Variants in C7 observed in about 807,000 individuals in gnomAD.
C7 encodes the protein complement C7, also known as complement component C7.
Under a neutral mutation model 104.8 loss-of-function variants are expected in C7, and 83 were observed. The observed-to-expected ratio is 0.79, with a 90% confidence interval of 0.66 to 0.95. The LOEUF (loss-of-function observed/expected upper bound fraction) is 0.95, where lower values mean the gene tolerates loss of function less well. Ranked by LOEUF, C7 falls within the 40% of genes least tolerant of loss-of-function variation. The probability of loss-of-function intolerance (pLI) is 0.00; values close to 1 mark genes in which losing one functional copy is unlikely to be tolerated. For missense variants in C7, 1,070 were observed against 1,011.2 expected (o/e 1.06, Z -0.79); for synonymous variants, 415 against 360.6 (o/e 1.15, Z -1.71).
chr5:40,947,000 C>T (rs181465858), intron 7 of C7, among the ~76,000 whole-genome samples: 2 of 151,848 alleles, frequency 1.3e-5, no homozygotes, highest in African/African-American at 4.8e-5. Flanking sequence ...AATCCTGAAC[C>T]CTGAATTAAT....
rs1195909095 is a variant in C7 at position 40,983,412 on chromosome 5, G to A, written c.*1839G>A. Among the ~76,000 whole-genome samples the A allele has an allele frequency of 6.6e-6, 1 of 152,168 alleles. No homozygotes were observed. The highest frequency in any genetic ancestry group is 1.5e-5 in the Non-Finnish European group (1 of 68,030). On this transcript the variant is annotated 3_prime_UTR_variant, in exon 18 of 18. Coordinates refer to ENST00000313164, the MANE Select transcript of C7 (RefSeq NM_000587.4). ...TTATCACATATCATCAGAGATTGAG[G>A]TTTGAAAGAAAGGAAATGAGTAGAT...
At chr5:40,929,838 G>C (rs1394042566) in intron 2 of C7, among the ~76,000 whole-genome samples, 2 of 151,964 alleles carry the variant, frequency 1.3e-5, no homozygotes, top group Non-Finnish European at 2.9e-5. Flanking sequence ...AAATGAACAG[G>C]GGATGCATTT....
At chr5:40,960,450 A>G (rs1277083884) in intron 12 of C7, among the ~76,000 whole-genome samples, 6 of 152,162 alleles carry the variant, frequency 3.9e-5, no homozygotes, top group African/African-American at 1.4e-4. Context: ...GGCATTAATC[A>G]GTATCTCTTG....
intron 6 of C7, among the ~76,000 whole-genome samples, chr5:40,938,569 T>C (rs1222554344): frequency 6.6e-6 from 1 of 152,204 alleles, no homozygotes; most frequent in Non-Finnish European, 1.5e-5. Context: ...AGGATATGTA[T>C]GTACTAAATT....
chr5:40,932,465 G>A (rs1739708117), intron 3 of C7, among the ~76,000 whole-genome samples: 2 of 152,000 alleles, frequency 1.3e-5, no homozygotes, highest in South Asian at 4.1e-4. Context: ...AGTCCAGTTT[G>A]GGTAAAATTA....
Position 40,910,433 on chromosome 5 carries a change from C to T in C7, c.6+817C>T, listed in dbSNP as rs1371265098. On this transcript the variant is annotated intron_variant, in intron 1 of 17. Coordinates refer to ENST00000313164, the MANE Select transcript of C7 (RefSeq NM_000587.4). ...TTGCTTCCATAGTCACTGTATTGTC[C>T]ATTGGGGCACCGAATCCAAGCTCGC... Among the ~76,000 whole-genome samples the T allele has an allele frequency of 2.6e-5, 4 of 152,060 alleles. 1 individual carries two copies. Among genetic ancestry groups the T allele is most frequent in the Admixed American group, 1.3e-4 (2 of 15,264 alleles).
intron 14 of C7, among the ~76,000 whole-genome samples, chr5:40,971,599 C>T (rs963587178): frequency 1.3e-5 from 2 of 152,136 alleles, no homozygotes; most frequent in Non-Finnish European, 2.9e-5. Context: ...AATTAGATCC[C>T]ATTTGTCAAT....
At chr5:40,963,699 CCT>C (rs1486893948) in intron 13 of C7, among the ~76,000 whole-genome samples, 1 of 152,042 alleles carries the variant, frequency 6.6e-6, no homozygotes, top group Non-Finnish European at 1.5e-5. Flanking sequence ...AAAGAGAGAC[CCT>C]AAATGAGTGT....
At chr5:40,972,345 T>A (rs1740715703) in intron 14 of C7, 58 bp from the exon 15 acceptor site, 25 of 1,451,796 alleles carry the variant, frequency 1.7e-5, no homozygotes, top group Non-Finnish European at 2.3e-5. Flanking sequence ...TAAGACTTTT[T>A]TAAAAAGATG....
chr5:40,942,138 G>A (rs143434671), intron 6 of C7, among the ~76,000 whole-genome samples: 252 of 152,278 alleles, frequency 1.7e-3, no homozygotes, highest in Admixed American at 1.6e-3. Context: ...CATTGTAAGC[G>A]GAAGAGTGAA....
Position 40,959,488 on chromosome 5 carries a change from G to T in C7, c.1529G>T (p.Ser510Ile), listed in dbSNP as rs199971709. 1.9e-6 allele frequency: 3 copies of T among 1,611,386 alleles called. No individual in the cohort carries two copies. Among genetic ancestry groups the T allele is most frequent in the East Asian group, 4.5e-5 (2 of 44,858 alleles). The change falls in exon 12 of 18, where the codon AGC becomes ATC. Residue 510 changes from serine to isoleucine, a missense_variant. Coordinates refer to ENST00000313164, the MANE Select transcript of C7 (RefSeq NM_000587.4). Reference sequence around the variant, plus strand: ...GGTTGGAGTTGCTGGTCCTCTTGGAGCCCCTGTGTCCAAGGGAAGAAAACA... The same window carrying T: ...GGTTGGAGTTGCTGGTCCTCTTGGATCCCCTGTGTCCAAGGGAAGAAAACA... ...DGGWSCWSSW[S>I]PCVQGKKTRS... is the part of the protein sequence containing the mutation.
At chr5:40,940,898 C>G (rs189416712) in intron 6 of C7, among the ~76,000 whole-genome samples, 54 of 152,224 alleles carry the variant, frequency 3.5e-4, no homozygotes, top group Non-Finnish European at 7.6e-4. Context: ...TCCAAACCCC[C>G]TCAGAGCAGA....
intron 9 of C7, among the ~76,000 whole-genome samples, chr5:40,954,215 C>T (rs1740238267): frequency 6.6e-6 from 1 of 152,088 alleles, no homozygotes; most frequent in African/African-American, 2.4e-5. Context: ...AAACTGTTTT[C>T]CTTCCAATAT....
At chr5:40,972,184 G>C in intron 14 of C7, 2 of 579,414 alleles carry the variant, frequency 3.5e-6, no homozygotes, top group Non-Finnish European at 3.1e-6. Context: ...AGGGGTGGGA[G>C]AGGGGGAGCT....
intron 16 of C7, 59 bp downstream of exon 16, chr5:40,976,899 C>A: frequency 1.5e-6 from 2 of 1,308,988 alleles, no homozygotes; most frequent in South Asian, 2.7e-5. Flanking sequence ...GGGATAATTT[C>A]TTAGATAATA....
intron 7 of C7, among the ~76,000 whole-genome samples, chr5:40,945,886 A>C: frequency 9.4e-6 from 1 of 106,798 alleles, no homozygotes; most frequent in South Asian, 2.5e-4. Context: ...ATATATATAT[A>C]TATATATATA....
chr5:40,948,569 C>T (rs1353956357), intron 8 of C7, among the ~76,000 whole-genome samples: 1 of 152,152 alleles, frequency 6.6e-6, no homozygotes, highest in Non-Finnish European at 1.5e-5. Flanking sequence ...TGGTTAGAAT[C>T]AGGACATACC....
intron 14 of C7, among the ~76,000 whole-genome samples, chr5:40,968,000 T>C (rs1466809650): frequency 6.6e-6 from 1 of 152,240 alleles, no homozygotes; most frequent in Non-Finnish European, 1.5e-5. Context: ...ACATTGCTTC[T>C]GTCCCATTCT....
chr5:40,945,487 G>A (rs867557128), intron 7 of C7, 119 bp downstream of exon 7: 1 of 631,512 alleles, frequency 1.6e-6, no homozygotes, highest in Non-Finnish European at 2.6e-6. Flanking sequence ...AATAGTAATA[G>A]TACTTCCTTT....
Sources: gnomAD v4.1 joint callset for allele counts (sites outside exome capture counted in the v4.1 genomes callset) on GRCh38, gnomAD v4.1.1 for gene constraint, MANE v1.5 for transcripts, NCBI Gene and HGNC (gene_info 2026-07-23, HGNC 2026-07-21) for gene names.